Variants in CNBD1 observed in about 807,000 individuals in gnomAD.
CNBD1 encodes cyclic nucleotide-binding domain-containing protein 1.
Under a neutral mutation model 54.4 loss-of-function variants are expected in CNBD1, and 71 were observed. That is an observed-to-expected ratio of 1.30 (90% CI 1.08 to 1.59). The LOEUF (loss-of-function observed/expected upper bound fraction) is 1.59. CNBD1 is among the 40% of genes most tolerant of loss of function. CNBD1 has a pLI of 0.00. For synonymous variants in CNBD1, 182 were observed against 170.7 expected, an observed-to-expected ratio of 1.07 and a Z score of -0.51; for missense variants, 659 against 518.0, an observed-to-expected ratio of 1.27 and a Z score of -2.64.
At chr8:87,003,176 A>G (rs1464154400) in intron 4 of CNBD1, among the ~76,000 whole-genome samples, 1 of 152,206 alleles carries the variant, frequency 6.6e-6, no homozygotes, top group Non-Finnish European at 1.5e-5. Flanking sequence ...ATTGGTTAAT[A>G]TTATCTTTTG....
chr8:87,053,542 C>G (rs896407052), intron 4 of CNBD1, among the ~76,000 whole-genome samples: 1 of 152,162 alleles, frequency 6.6e-6, no homozygotes, highest in Non-Finnish European at 1.5e-5. Flanking sequence ...GGGTGTCCCC[C>G]CTCTCCCCTT....
At chr8:87,416,443 T>C (rs2130989462) in intron 2 of CNBD1, among the ~76,000 whole-genome samples, 1 of 152,128 alleles carries the variant, frequency 6.6e-6, no homozygotes, top group Admixed American at 6.6e-5. Context: ...TTTTAGCTTG[T>C]CCTATAGCCA....
At position 87,046,656 on chromosome 8, in the gene CNBD1, C is replaced by T. The variant is rs142927535; in HGVS notation, c.431+106902C>T. On this transcript the variant is annotated intron_variant, in intron 4 of 10. Transcript: ENST00000518476. The stretch of plus-strand genomic sequence containing the variant: ...TTTGCATCCGCTTCATAAAGAGGTT[C>T]CCCTTATATCTAATGGGAGCATCTT... Among the ~76,000 whole-genome samples the T allele has an allele frequency of 4.3e-3, 658 of 152,166 alleles. 3 individuals carry two copies. The highest frequency in any genetic ancestry group is 0.015 in the African/African-American group (635 of 41,506).
intron 4 of CNBD1, among the ~76,000 whole-genome samples, chr8:87,154,707 T>G (rs1812678461): frequency 6.6e-6 from 1 of 152,164 alleles, no homozygotes; most frequent in Non-Finnish European, 1.5e-5. Context: ...TAAAACCTAT[T>G]AACATTCATT....
At chr8:87,382,531 T>G (rs997336555) in intron 10 of CNBD1, 89 bp from the exon 11 acceptor site, 2 of 1,009,254 alleles carry the variant, frequency 2.0e-6, no homozygotes, top group Non-Finnish European at 3.0e-6. Context: ...CTCAGCAATG[T>G]AATTTTAGGG....
chr8:87,413,893 G>A (rs968585796), intron 2 of CNBD1, among the ~76,000 whole-genome samples: 21 of 151,044 alleles, frequency 1.4e-4, no homozygotes, highest in African/African-American at 4.9e-4. Context: ...AGAGGATGTG[G>A]AGAAATAGGA....
intron 4 of CNBD1, among the ~76,000 whole-genome samples, chr8:87,045,521 C>G (rs1275724686): frequency 1.3e-5 from 2 of 151,302 alleles, no homozygotes; most frequent in Non-Finnish European, 2.9e-5. Context: ...GTCAGGAGAT[C>G]AAGACCATCC....
At chr8:87,409,910 C>G (rs1807711556) in intron 2 of CNBD1, among the ~76,000 whole-genome samples, 1 of 151,894 alleles carries the variant, frequency 6.6e-6, no homozygotes, top group African/African-American at 2.4e-5. Flanking sequence ...GTAGTCCCAG[C>G]TACTCAGGAG....
chr8:86,910,001 G>T (rs1360288024), intron 3 of CNBD1, among the ~76,000 whole-genome samples: 1 of 152,156 alleles, frequency 6.6e-6, no homozygotes, highest in South Asian at 2.1e-4. Context: ...TTATGAGTCA[G>T]ATCTTCTCAA....
At chr8:87,247,511 C>T (rs1361523151) in intron 6 of CNBD1, among the ~76,000 whole-genome samples, 2 of 152,190 alleles carry the variant, frequency 1.3e-5, no homozygotes, top group Admixed American at 6.5e-5. Flanking sequence ...ACACAGTTGT[C>T]AGTCTCCCCT....
intron 6 of CNBD1, among the ~76,000 whole-genome samples, chr8:87,279,118 AAC>A (rs1220214623): frequency 2.6e-5 from 4 of 151,562 alleles, no homozygotes; most frequent in African/African-American, 9.6e-5. Context: ...TAAAGAAAAA[AAC>A]ACATATAGGA....
At chr8:87,028,955 C>T (rs1809717387) in intron 4 of CNBD1, among the ~76,000 whole-genome samples, 1 of 152,198 alleles carries the variant, frequency 6.6e-6, no homozygotes. Flanking sequence ...ACACTTGTTA[C>T]ATTTTGACTT....
At chr8:86,958,340 A>G (rs575244385) in intron 4 of CNBD1, among the ~76,000 whole-genome samples, 4 of 152,322 alleles carry the variant, frequency 2.6e-5, no homozygotes, top group South Asian at 4.1e-4. Context: ...GTAGGTGTCT[A>G]TTAGGTCCTC....
At chr8:87,192,595 C>T (rs765357243) in intron 4 of CNBD1, among the ~76,000 whole-genome samples, 3 of 152,218 alleles carry the variant, frequency 2.0e-5, no homozygotes, top group South Asian at 2.1e-4. Context: ...GATTAGAAAG[C>T]GTAATTCCTT....
chr8:87,425,920 C>G (rs186877762), intron 2 of CNBD1, among the ~76,000 whole-genome samples: 1 of 152,048 alleles, frequency 6.6e-6, no homozygotes, highest in African/African-American at 2.4e-5. Flanking sequence ...CCCCCAGCCT[C>G]ACTGCTGCCT....
At chr8:87,177,892 G>C (rs565965578) in intron 4 of CNBD1, among the ~76,000 whole-genome samples, 1 of 152,166 alleles carries the variant, frequency 6.6e-6, no homozygotes, top group Non-Finnish European at 1.5e-5. Context: ...TTAACAAATA[G>C]TAGGTTTGGC....
chr8:86,899,420 A>G (rs1327573152), intron 2 of CNBD1, among the ~76,000 whole-genome samples: 3 of 152,106 alleles, frequency 2.0e-5, no homozygotes, highest in African/African-American at 7.2e-5. Context: ...TGTATTCTAG[A>G]ACATCATGTT....
At chr8:87,190,300 G>T (rs1813573965) in intron 4 of CNBD1, among the ~76,000 whole-genome samples, 1 of 152,132 alleles carries the variant, frequency 6.6e-6, no homozygotes, top group Admixed American at 6.5e-5. Flanking sequence ...GGGTGTGCAG[G>T]ATACATTTTC....
chr8:86,948,598 A>G (rs757886121), intron 4 of CNBD1, among the ~76,000 whole-genome samples: 100 of 152,176 alleles, frequency 6.6e-4, no homozygotes, highest in Non-Finnish European at 1.1e-3. Context: ...CCCAATTTTA[A>G]ATCAGATTAT....
Sources: gnomAD v4.1 joint callset for allele counts (sites outside exome capture counted in the v4.1 genomes callset) on GRCh38, gnomAD v4.1.1 for gene constraint, MANE v1.5 for transcripts, NCBI Gene and HGNC (gene_info 2026-07-23, HGNC 2026-07-21) for gene names.